ANKHD1: variants seen among roughly 807,000 people sequenced by gnomAD.
ANKHD1 encodes the protein ankyrin repeat and KH domain containing 1.
ANKHD1 carries 31 observed loss-of-function variants against 230.5 expected under a neutral mutation model. The ratio of observed to expected loss-of-function variants is 0.13; its 90% CI spans 0.10 to 0.18. The LOEUF (loss-of-function observed/expected upper bound fraction) is 0.18. Among genes scored for constraint, ANKHD1 ranks in the 10% least tolerant of loss-of-function variants. The pLI, the probability that ANKHD1 is intolerant of heterozygous loss-of-function variation, is 1.00. For synonymous variants in ANKHD1, 1,074 were observed against 1,117.6 expected (o/e 0.96, Z 0.78); for missense variants, 2,256 against 3,071.3 (o/e 0.73, Z 6.27).
At chr5:140,426,859 A>G (rs984286423) in intron 1 of ANKHD1, among the ~76,000 whole-genome samples, 1 of 152,378 alleles carries the variant, frequency 6.6e-6, no homozygotes, top group East Asian at 1.9e-4. Flanking sequence ...ACAGGATCCC[A>G]TGGCAGAATA....
At chr5:140,435,982 CTA>C (rs1773420864) in intron 1 of ANKHD1, 120 bp from the exon 2 acceptor site, 1 of 1,268,690 alleles carries the variant, frequency 7.9e-7, no homozygotes. Flanking sequence ...TCCCTTGTTT[CTA>C]TAATAATTTT....
Position 140,468,914 on chromosome 5 carries a change from T to C in ANKHD1, c.1782+4138T>C, listed in dbSNP as rs566475574. Among the ~76,000 whole-genome samples the C allele has an allele frequency of 5.3e-5, 8 of 152,292 alleles. No homozygotes were observed. In the South Asian group the frequency reaches 1.7e-3, roughly 32 times the overall value. On this transcript the variant is annotated intron_variant, in intron 10 of 33. Coordinates refer to ENST00000360839, the MANE Select transcript of ANKHD1 (RefSeq NM_017747.3). ...AGGGATAAATTCCTGGAAGTGAAAT[T>C]GCTGGTTATAGGGAAATATTTGACT...
At chr5:140,534,776 A>T (rs1174410069) in intron 29 of ANKHD1, among the ~76,000 whole-genome samples, 2 of 152,236 alleles carry the variant, frequency 1.3e-5, no homozygotes, top group Non-Finnish European at 2.9e-5. Flanking sequence ...ATTTGAGAAG[A>T]TGGCTAAGTT....
At chr5:140,428,400 G>A (rs1374600150) in intron 1 of ANKHD1, among the ~76,000 whole-genome samples, 2 of 152,252 alleles carry the variant, frequency 1.3e-5, no homozygotes, top group East Asian at 1.9e-4. Flanking sequence ...TCGGGAGGCC[G>A]AGGCTGGCGG....
rs1366500355 is a variant in ANKHD1 at position 140,516,823 on chromosome 5, C to T, written c.4317+3344C>T. On this transcript the variant is annotated intron_variant, in intron 24 of 33. Transcript: ENST00000360839. ...ATGGAAAGGAACAACCGGTACCAGC[C>T]GCTGCAAAATCATGCCAAAATGTAA... Among the ~76,000 whole-genome samples, 10 of 151,186 alleles carry T rather than the reference C, an allele frequency of 6.6e-5. No homozygotes were observed. In the East Asian group the frequency reaches 7.8e-4, roughly 12 times the overall value.
intron 7 of ANKHD1, among the ~76,000 whole-genome samples, chr5:140,453,494 A>G (rs532635861): frequency 1.5e-4 from 23 of 152,364 alleles, no homozygotes; most frequent in South Asian, 4.1e-4. Context: ...AGGGAAACCC[A>G]TCAGACTAAC....
At chr5:140,537,950 A>G in intron 31 of ANKHD1, 136 bp from the exon 32 acceptor site, 2 of 1,360,494 alleles carry the variant, frequency 1.5e-6, no homozygotes, top group South Asian at 3.4e-5. Flanking sequence ...GGCTAGCAAG[A>G]CTGTGATAAA....
Position 140,505,243 on chromosome 5 carries a change from A to C in ANKHD1, c.3262+10A>C. On this transcript the variant is annotated intron_variant, in intron 17 of 33. Transcript: ENST00000360839. Reference sequence around the variant, plus strand: ...CACAGAGACAAAAAAGGTAAATATCAGTCAGAAATAAAATCCAAGTGTAGT... The same window carrying C: ...CACAGAGACAAAAAAGGTAAATATCCGTCAGAAATAAAATCCAAGTGTAGT... 1 of 1,613,748 alleles carries C rather than the reference A, an allele frequency of 6.2e-7. No individual in the cohort carries two copies. The highest frequency in any genetic ancestry group is 1.1e-5 in the South Asian group (1 of 91,016).
rs556265139 is a variant in ANKHD1, at chr5:140,451,301, A to G, written c.1242+1996A>G. On this transcript the variant is annotated intron_variant, in intron 7 of 33. Transcript: ENST00000360839. ...ATAAATCCTTATTTTCTTTTCAATTAGAAATGCATTTCAACTACCAGATGA... is the reference window on the plus strand; with the variant it reads ...ATAAATCCTTATTTTCTTTTCAATTGGAAATGCATTTCAACTACCAGATGA... Among the ~76,000 whole-genome samples, 236 of 152,336 alleles carry G rather than the reference A, an allele frequency of 1.5e-3. 4 individuals carry two copies. In the Middle Eastern group the frequency reaches 0.017, roughly 11 times the overall value.
chr5:140,405,444 G>A (rs976802980), intron 1 of ANKHD1, among the ~76,000 whole-genome samples: 3 of 152,052 alleles, frequency 2.0e-5, no homozygotes, highest in African/African-American at 7.2e-5. Flanking sequence ...AAAATGACCT[G>A]TTTTGGCCAA....
At chr5:140,509,837 G>T in intron 21 of ANKHD1, 25 bp downstream of exon 21, 2 of 1,588,716 alleles carry the variant, frequency 1.3e-6, no homozygotes, top group South Asian at 1.2e-5. Flanking sequence ...ATTATATGTA[G>T]AACTTCTCAT....
rs1475067704 is a variant in ANKHD1, at chr5:140,537,684, A to C, written c.7228+95A>C. On this transcript the variant is annotated intron_variant, in intron 31 of 33. Transcript: ENST00000360839. The stretch of plus-strand genomic sequence containing the variant: ...TTCCTTAGAAAAAACAAACAAAAAA[A>C]ACTTAGTTCCTATGTTTAACACTCA... 2.1e-6 allele frequency: 3 copies of C among 1,444,012 alleles called. No individual in the cohort carries two copies. In the South Asian group the frequency reaches 4.9e-5, roughly 23 times the overall value. The allele number at this position is 1,444,012 out of a possible 1,614,324, so 89.4% of individuals were successfully genotyped here.
intron 29 of ANKHD1, among the ~76,000 whole-genome samples, chr5:140,532,482 C>A (rs1016771446): frequency 7.9e-5 from 12 of 151,954 alleles, no homozygotes; most frequent in African/African-American, 2.7e-4. Flanking sequence ...GTTGCCCAGG[C>A]TGGAGTGTAG....
At position 140,402,234 on chromosome 5, in the gene ANKHD1, A is replaced by G; in HGVS notation, c.267A>G (p.Gly89=). 6.6e-7 allele frequency: 1 copy of G among 1,515,898 alleles called. No individual in the cohort carries two copies. Among genetic ancestry groups the G allele is most frequent in the Non-Finnish European group, 8.8e-7 (1 of 1,136,966 alleles). 93.9% of individuals were successfully genotyped at this position (1,515,898 alleles called of 1,614,324 possible). A position where few individuals can be genotyped will look rare whatever the true frequency, so the allele number is the denominator to read the frequency against. The part of the protein sequence containing the change: ...LAAAVLRTGG[G]GGASGSDEDE... ...CTGCCGTGCTGAGGACCGGGGGTGG[A>G]GGTGGTGCCTCTGGCAGTGACGAGG... The change falls in exon 1 of 34, where the codon GGA becomes GGG. Residue 89 remains glycine, a synonymous_variant. Transcript: ENST00000360839.
At chr5:140,452,496 C>T (rs547529211) in intron 7 of ANKHD1, among the ~76,000 whole-genome samples, 25 of 152,288 alleles carry the variant, frequency 1.6e-4, no homozygotes, top group African/African-American at 3.6e-4. Flanking sequence ...ACACCTCACA[C>T]GGCCGGGTAT....
chr5:140,423,839 A>C (rs184686455), intron 1 of ANKHD1, among the ~76,000 whole-genome samples: 2 of 152,292 alleles, frequency 1.3e-5, no homozygotes, highest in East Asian at 3.9e-4. Context: ...GGTTGGGCCT[A>C]ATAAGAGGTA....
chr5:140,491,976 AAGT>A (rs1330701261), intron 14 of ANKHD1, among the ~76,000 whole-genome samples: 6 of 152,192 alleles, frequency 3.9e-5, no homozygotes, highest in African/African-American at 1.4e-4. Flanking sequence ...AGTAATCAAG[AAGT>A]AGCATTCTAG....
At chr5:140,468,513 G>A (rs1776271705) in intron 10 of ANKHD1, among the ~76,000 whole-genome samples, 1 of 151,908 alleles carries the variant, frequency 6.6e-6, no homozygotes, top group Admixed American at 6.6e-5. Flanking sequence ...GATTTGATAT[G>A]GACCTCCCTT....
intron 1 of ANKHD1, 94 bp from the exon 2 acceptor site, chr5:140,436,010 G>T: frequency 7.6e-7 from 1 of 1,322,468 alleles, no homozygotes. Flanking sequence ...TTATATTTAA[G>T]TTCTAATTAA....
Sources: allele counts gnomAD v4.1 joint callset (sites outside exome capture counted in the v4.1 genomes callset), GRCh38; gene constraint gnomAD v4.1.1; transcripts MANE v1.5; gene names NCBI Gene and HGNC (gene_info 2026-07-23, HGNC 2026-07-21).